Variants in MPRIP observed in about 807,000 individuals in gnomAD.
The protein encoded by MPRIP is myosin phosphatase Rho-interacting protein.
Under a neutral mutation model 234.9 loss-of-function variants are expected in MPRIP, and 59 were observed. The ratio of observed to expected loss-of-function variants is 0.25; its 90% CI spans 0.20 to 0.31. The LOEUF is 0.31. Ranked by LOEUF, MPRIP falls within the 10% of genes least tolerant of loss-of-function variation. The probability of loss-of-function intolerance (pLI) is 1.00; values close to 1 mark genes in which losing one functional copy is unlikely to be tolerated. For missense variants in MPRIP, 2,436 were observed against 3,071.0 expected (o/e 0.79, Z 4.89); for synonymous variants, 1,144 against 1,263.9 (o/e 0.91, Z 2.01).
intron 4 of MPRIP, among the ~76,000 whole-genome samples, chr17:17,131,230 G>T (rs1238252073): frequency 6.6e-6 from 1 of 152,170 alleles, no homozygotes; most frequent in East Asian, 1.9e-4. Flanking sequence ...CCTAGATTCT[G>T]GCCTCAGGGC....
At position 17,186,700 on chromosome 17, in the gene MPRIP, C is replaced by T. The variant is rs2046481802; in HGVS notation, c.*1806C>T. 1 of 152,174 alleles carries T rather than the reference C, an allele frequency of 6.6e-6. No individual in the cohort carries two copies. The highest frequency in any genetic ancestry group is 1.5e-5 in the Non-Finnish European group (1 of 68,068). 9.4% of individuals were successfully genotyped at this position (152,174 alleles called of 1,614,324 possible). A position where few individuals can be genotyped will look rare whatever the true frequency, so the allele number is the denominator to read the frequency against. On this transcript the variant is annotated 3_prime_UTR_variant, in exon 24 of 24. Transcript: ENST00000651222. ...TGTCACTGCACTCCAGCCTGGGTGA[C>T]AAAGCAAGGCCCCATATCAGATATA... is the stretch of plus-strand genomic sequence containing the variant.
chr17:17,068,696 A>G (rs140668887), intron 1 of MPRIP, among the ~76,000 whole-genome samples: 10,581 of 150,556 alleles, frequency 0.07, 1,183 homozygotes, highest in African/African-American at 0.24. Flanking sequence ...ACACCCAGCT[A>G]ATTTTTGTAT....
chr17:17,175,204 GA>G, intron 19 of MPRIP, 88 bp from the exon 20 acceptor site: 1 of 1,587,844 alleles, frequency 6.3e-7, no homozygotes, highest in Non-Finnish European at 8.6e-7. Flanking sequence ...GATACACAAA[GA>G]ACCTAGGGAA....
chr17:17,177,036 C>T (rs1348612644), intron 21 of MPRIP, among the ~76,000 whole-genome samples: 1 of 152,218 alleles, frequency 6.6e-6, no homozygotes, highest in Admixed American at 6.5e-5. Flanking sequence ...TGGAGATTAT[C>T]CTGCCATGTC....
intron 3 of MPRIP, among the ~76,000 whole-genome samples, chr17:17,095,647 G>T (rs1237697828): frequency 6.6e-6 from 1 of 151,980 alleles, no homozygotes; most frequent in African/African-American, 2.4e-5. Context: ...TGTGCCTGCT[G>T]CCCCTGACTC....
intron 13 of MPRIP, 92 bp from the exon 14 acceptor site, chr17:17,158,340 G>A: frequency 9.3e-7 from 1 of 1,080,448 alleles, no homozygotes; most frequent in Non-Finnish European, 1.3e-6. Context: ...TGCTCACAGG[G>A]GCTGGGTTGT....
chr17:17,079,500 G>A (rs2089413233), intron 3 of MPRIP, among the ~76,000 whole-genome samples: 1 of 152,246 alleles, frequency 6.6e-6, no homozygotes, highest in Non-Finnish European at 1.5e-5. Flanking sequence ...TCCTGGCTTA[G>A]CCCTTACACA....
intron 3 of MPRIP, among the ~76,000 whole-genome samples, chr17:17,106,454 A>G (rs886891010): frequency 1.1e-4 from 16 of 152,190 alleles, no homozygotes; most frequent in African/African-American, 3.6e-4. Context: ...CACTTCAGAG[A>G]GAGGGCAGCA....
At chr17:17,119,629 T>C (rs1188036509) in intron 3 of MPRIP, among the ~76,000 whole-genome samples, 1 of 152,144 alleles carries the variant, frequency 6.6e-6, no homozygotes, top group Non-Finnish European at 1.5e-5. Context: ...CTGGCCACAG[T>C]GAGCACCCAG....
chr17:17,134,777 C>T (rs1178007521), intron 5 of MPRIP, among the ~76,000 whole-genome samples: 2 of 152,236 alleles, frequency 1.3e-5, no homozygotes, highest in African/African-American at 4.8e-5. Flanking sequence ...TGCGTGTGGG[C>T]CTGCTGCCTC....
rs141435500 is a variant in MPRIP at position 17,046,565 on chromosome 17, T to C, written c.123+3594T>C. Among the ~76,000 whole-genome samples, 430 of 152,368 alleles carry C rather than the reference T, an allele frequency of 2.8e-3. 14 individuals are homozygous for C. The highest frequency in any genetic ancestry group is 0.027 in the Admixed American group (406 of 15,302). ...TTTAATTCTCTAATAATTTTCCTAA[T>C]TACTCATGAAGTTGAGCCTTTTTTA... is the stretch of plus-strand genomic sequence containing the variant. On this transcript the variant is annotated intron_variant, in intron 1 of 23. Transcript: ENST00000651222.
rs1176452232 is a variant in MPRIP, at chr17:17,185,834, A to G, written c.*940A>G. The G allele has an allele frequency of 6.7e-6, 2 of 300,684 alleles. No homozygotes were observed. Among genetic ancestry groups the G allele is most frequent in the Non-Finnish European group, 1.3e-5 (2 of 153,732 alleles). The allele number at this position is 300,684 out of a possible 1,614,324, so 18.6% of individuals were successfully genotyped here. A position where few individuals can be genotyped will look rare whatever the true frequency, so the allele number is the denominator to read the frequency against. ...GAGACCCCTGTTAAGTCAAGAAGAA[A>G]GTACAGAGGATGTCAGAATCTGATG... On this transcript the variant is annotated 3_prime_UTR_variant, in exon 24 of 24. Transcript: ENST00000651222.
At chr17:17,127,635 C>T (rs865807900) in intron 4 of MPRIP, among the ~76,000 whole-genome samples, 1 of 152,244 alleles carries the variant, frequency 6.6e-6, no homozygotes, top group Middle Eastern at 3.2e-3. Context: ...ACTGGATCTC[C>T]GAGAATCCCT....
Position 17,044,376 on chromosome 17 carries a change from A to G in MPRIP, c.123+1405A>G, listed in dbSNP as rs116615714. 6.3e-3 allele frequency among the ~76,000 whole-genome samples: 965 copies of G among 152,304 alleles called. 5 individuals carry two copies. Among genetic ancestry groups the G allele is most frequent in the African/African-American group, 0.021 (892 of 41,564 alleles). On this transcript the variant is annotated intron_variant, in intron 1 of 23. Transcript: ENST00000651222. Reference sequence around the variant, plus strand: ...AGGAGTTGTTAGGAGACTTTGCTTCAGGTCTTGGCTGTCACTTCCAGCTGT... The same window carrying G: ...AGGAGTTGTTAGGAGACTTTGCTTCGGGTCTTGGCTGTCACTTCCAGCTGT...
intron 22 of MPRIP, 45 bp from the exon 23 acceptor site, chr17:17,179,958 G>C (rs2046337463): frequency 6.6e-7 from 1 of 1,506,258 alleles, no homozygotes; most frequent in Non-Finnish European, 9.1e-7. Flanking sequence ...GAGGGTTTTA[G>C]AAAGCAAAGG....
In MPRIP at chr17:17,092,738, A is replaced by C. The variant is rs187065248; in HGVS notation, c.267+14662A>C. On this transcript the variant is annotated intron_variant, in intron 3 of 23. Coordinates refer to ENST00000651222, the MANE Select transcript of MPRIP (RefSeq NM_001364716.4). ...TGGGGTCATTTCACCCTTGTTCTCTATCTCTCTCTCTCTCTGTCTCCTACA... is the reference window on the plus strand; with the variant it reads ...TGGGGTCATTTCACCCTTGTTCTCTCTCTCTCTCTCTCTCTGTCTCCTACA... Among the ~76,000 whole-genome samples the C allele has an allele frequency of 1.5e-3, 233 of 150,790 alleles. 3 individuals carry two copies. In the East Asian group the frequency reaches 0.03, roughly 19 times the overall value.
At chr17:17,177,062 G>A (rs759772162) in intron 21 of MPRIP, among the ~76,000 whole-genome samples, 188 bp from the exon 22 acceptor site, 1 of 152,198 alleles carries the variant, frequency 6.6e-6, no homozygotes, top group Non-Finnish European at 1.5e-5. Context: ...GGCTGTGCCC[G>A]TGTCCTTAGG....
chr17:17,091,523 T>C (rs1364615567), intron 3 of MPRIP, among the ~76,000 whole-genome samples: 1 of 152,148 alleles, frequency 6.6e-6, no homozygotes, highest in East Asian at 1.9e-4. Context: ...GATGCTCTCG[T>C]GCGTATTAGG....
chr17:17,059,020 C>T (rs1392881942), intron 1 of MPRIP, among the ~76,000 whole-genome samples: 1 of 152,128 alleles, frequency 6.6e-6, no homozygotes, highest in Non-Finnish European at 1.5e-5. Flanking sequence ...CTTTAGTTTA[C>T]CTGGGTTATG....
Sources: gnomAD v4.1 joint callset for allele counts (sites outside exome capture counted in the v4.1 genomes callset) on GRCh38, gnomAD v4.1.1 for gene constraint, MANE v1.5 for transcripts, NCBI Gene and HGNC (gene_info 2026-07-23, HGNC 2026-07-21) for gene names.